The following NXPH1 variants were observed in gnomAD, a reference collection of about 807,000 sequenced individuals.
NXPH1 encodes the protein neurexophilin 1.
Under a neutral mutation model 23.7 loss-of-function variants are expected in NXPH1, and 5 were observed. That is an observed-to-expected ratio of 0.21 (90% CI 0.11 to 0.44). The LOEUF is 0.44. NXPH1 is among the 20% of genes least tolerant of loss of function. NXPH1 has a pLI of 0.99. For synonymous variants in NXPH1, 144 were observed against 122.2 expected, an observed-to-expected ratio of 1.18 and a Z score of -1.18; for missense variants, 324 against 321.6, an observed-to-expected ratio of 1.01 and a Z score of -0.06.
At chr7:8,683,187 G>A (rs904587305) in intron 2 of NXPH1, among the ~76,000 whole-genome samples, 4 of 152,168 alleles carry the variant, frequency 2.6e-5, no homozygotes, top group African/African-American at 9.7e-5. Context: ...TTAAACAAGA[G>A]AGATGTCAGG....
chr7:8,526,613 T>G (rs1229676044), intron 2 of NXPH1, among the ~76,000 whole-genome samples: 1 of 152,192 alleles, frequency 6.6e-6, no homozygotes, highest in Non-Finnish European at 1.5e-5. Flanking sequence ...AATTGAATCA[T>G]GGAGGCTGGT....
chr7:8,566,851 A>G (rs55938456), intron 2 of NXPH1, among the ~76,000 whole-genome samples: 9,512 of 141,768 alleles, frequency 0.067, 402 homozygotes, highest in Middle Eastern at 0.1. Flanking sequence ...ATTCATTCAT[A>G]TTTTTTTTCT....
rs143866330 is a variant in NXPH1 at position 8,739,537 on chromosome 7, A to T, written c.55-11471A>T. ...TACCTCAGCTGGAAATGCAGAAGTC[A>T]CCCGCCTTTTGCATTGATCTTGCTG... is the stretch of plus-strand genomic sequence containing the variant. On this transcript the variant is annotated intron_variant, in intron 2 of 2. Transcript: ENST00000405863. 4.1e-3 allele frequency among the ~76,000 whole-genome samples: 631 copies of T among 152,150 alleles called. 5 individuals are homozygous for T. Among genetic ancestry groups the T allele is most frequent in the Non-Finnish European group, 4.5e-3 (306 of 67,994 alleles).
intron 2 of NXPH1, among the ~76,000 whole-genome samples, chr7:8,709,725 G>A (rs1247533185): frequency 6.6e-6 from 1 of 152,190 alleles, no homozygotes; most frequent in Non-Finnish European, 1.5e-5. Flanking sequence ...ATATGAGTCT[G>A]TTAAGTCTTT....
chr7:8,564,199 C>G (rs1208373601), intron 2 of NXPH1, among the ~76,000 whole-genome samples: 1 of 151,754 alleles, frequency 6.6e-6, no homozygotes, highest in East Asian at 1.9e-4. Context: ...CATAGTTTTT[C>G]TTTTTCATTG....
chr7:8,509,966 T>C (rs1274778093), intron 2 of NXPH1, among the ~76,000 whole-genome samples: 1 of 152,162 alleles, frequency 6.6e-6, no homozygotes, highest in Non-Finnish European at 1.5e-5. Flanking sequence ...TGAAAAATCC[T>C]GTTATAAATA....
chr7:8,487,614 G>T (rs939543632), intron 2 of NXPH1, among the ~76,000 whole-genome samples: 1 of 151,996 alleles, frequency 6.6e-6, no homozygotes, highest in Admixed American at 6.6e-5. Context: ...CTTATGCATT[G>T]GTACTGTATC....
At chr7:8,453,146 A>T (rs4725091) in intron 2 of NXPH1, among the ~76,000 whole-genome samples, 71,319 of 151,980 alleles carry the variant, frequency 0.47, 17,651 homozygotes, top group East Asian at 0.76. Flanking sequence ...ACAGAAGTAG[A>T]AGGAGAGGGG....
intron 2 of NXPH1, among the ~76,000 whole-genome samples, chr7:8,684,440 T>C (rs958609622): frequency 9.2e-5 from 14 of 152,200 alleles, no homozygotes; most frequent in African/African-American, 2.9e-4. Flanking sequence ...TCTGGTTTTA[T>C]TAATTCTTAG....
intron 2 of NXPH1, among the ~76,000 whole-genome samples, chr7:8,640,765 T>A (rs1820295378): frequency 6.6e-6 from 1 of 152,080 alleles, no homozygotes; most frequent in Non-Finnish European, 1.5e-5. Flanking sequence ...GAAACTAGCC[T>A]GGACAACATA....
chr7:8,468,860 G>T (rs1050798195), intron 2 of NXPH1, among the ~76,000 whole-genome samples: 2 of 151,978 alleles, frequency 1.3e-5, no homozygotes, highest in African/African-American at 4.8e-5. Flanking sequence ...ATAAAATTAT[G>T]GAAAGGTAGT....
intron 2 of NXPH1, among the ~76,000 whole-genome samples, chr7:8,557,360 A>T (rs148352488): frequency 7.2e-5 from 11 of 151,854 alleles, no homozygotes; most frequent in African/African-American, 2.7e-4. Context: ...TCTCATAACA[A>T]TGTCAATCAA....
At chr7:8,747,365 A>T (rs1780488426) in intron 2 of NXPH1, among the ~76,000 whole-genome samples, 1 of 152,202 alleles carries the variant, frequency 6.6e-6, no homozygotes, top group South Asian at 2.1e-4. Flanking sequence ...GAATAGATTG[A>T]TTCTTCCTTC....
chr7:8,440,622 C>G (rs1816281455), intron 2 of NXPH1, among the ~76,000 whole-genome samples: 1 of 152,164 alleles, frequency 6.6e-6, no homozygotes, highest in Admixed American at 6.5e-5. Flanking sequence ...CTGCAGACTA[C>G]AGAAATTGAC....
chr7:8,513,602 T>C (rs1163810514), intron 2 of NXPH1, among the ~76,000 whole-genome samples: 2 of 152,112 alleles, frequency 1.3e-5, no homozygotes, highest in East Asian at 3.9e-4. Context: ...TAAGGGATTG[T>C]ATACCTTTGA....
At chr7:8,657,968 C>G (rs112845341) in intron 2 of NXPH1, among the ~76,000 whole-genome samples, 8,559 of 152,248 alleles carry the variant, frequency 0.056, 530 homozygotes, top group East Asian at 0.24. Context: ...GCGGAAGTTG[C>G]AGTGAGCCGA....
At chr7:8,641,694 CTTTCTATAATAG>C in intron 2 of NXPH1, among the ~76,000 whole-genome samples, 1 of 152,112 alleles carries the variant, frequency 6.6e-6, no homozygotes, top group East Asian at 1.9e-4. Flanking sequence ...CACCACTCCT[CTTTCTATAATAG>C]TTTCTATAAT....
At chr7:8,668,645 CCTGAGT>C (rs16449) in intron 2 of NXPH1, among the ~76,000 whole-genome samples, 10,717 of 152,008 alleles carry the variant, frequency 0.071, 792 homozygotes, top group East Asian at 0.24. Context: ...AGGCTTTGAG[CCTGAGT>C]CTGCAGGGGC....
intron 2 of NXPH1, among the ~76,000 whole-genome samples, chr7:8,615,776 G>A (rs757826103): frequency 6.6e-6 from 1 of 152,046 alleles, no homozygotes; most frequent in Non-Finnish European, 1.5e-5. Flanking sequence ...GAAGACAGAT[G>A]TTAATCAGGT....
Sources: gnomAD v4.1 joint callset for allele counts (sites outside exome capture counted in the v4.1 genomes callset) on GRCh38, gnomAD v4.1.1 for gene constraint, MANE v1.5 for transcripts, NCBI Gene and HGNC (gene_info 2026-07-23, HGNC 2026-07-21) for gene names.